Variants in KCNMA1 observed in about 807,000 individuals in gnomAD.
The protein encoded by KCNMA1 is potassium calcium-activated channel subfamily M alpha 1, also known as Calcium-activated potassium channel subunit alpha-1.
Under a neutral mutation model 140.0 loss-of-function variants are expected in KCNMA1, and 29 were observed. The observed-to-expected ratio is 0.21, with a 90% CI of 0.15 to 0.28. KCNMA1 has a LOEUF of 0.28. Ranked by LOEUF, KCNMA1 falls within the 10% of genes least tolerant of loss-of-function variation. The pLI, the probability that KCNMA1 is intolerant of heterozygous loss-of-function variation, is 1.00. For missense variants in KCNMA1, 880 were observed against 1,602.2 expected, an observed-to-expected ratio of 0.55 and a Z score of 7.70; for synonymous variants, 612 against 611.9, an observed-to-expected ratio of 1.00 and a Z score of 0.00.
intron 16 of KCNMA1, 25 bp from the exon 17 acceptor site, chr10:77,019,124 G>A (rs775708507): frequency 8.1e-7 from 1 of 1,227,346 alleles, no homozygotes; most frequent in Non-Finnish European, 1.2e-6. Flanking sequence ...AAAACAAACA[G>A]AGAAGATACA....
chr10:77,037,229 C>T (rs753791697), intron 15 of KCNMA1, among the ~76,000 whole-genome samples: 2 of 152,188 alleles, frequency 1.3e-5, no homozygotes, highest in Admixed American at 6.5e-5. Flanking sequence ...AACCACAGGG[C>T]CAGGCCTGGG....
At chr10:77,092,925 T>A (rs2096848617) in intron 9 of KCNMA1, among the ~76,000 whole-genome samples, 1 of 152,190 alleles carries the variant, frequency 6.6e-6, no homozygotes, top group Non-Finnish European at 1.5e-5. Flanking sequence ...CACCCTTGAA[T>A]CAAAAGCTCA....
intron 1 of KCNMA1, among the ~76,000 whole-genome samples, chr10:77,567,991 G>A (rs1018282817): frequency 6.6e-6 from 1 of 152,130 alleles, no homozygotes; most frequent in African/African-American, 2.4e-5. Context: ...TAGAAGAAAT[G>A]GATAAATTCC....
chr10:77,206,352 T>G (rs939119238), intron 3 of KCNMA1, among the ~76,000 whole-genome samples: 1 of 152,198 alleles, frequency 6.6e-6, no homozygotes, highest in African/African-American at 2.4e-5. Context: ...TTCTATTTAG[T>G]AGATATGTTT....
Position 77,207,647 on chromosome 10 carries a change from G to T in KCNMA1, c.603-22731C>A, listed in dbSNP as rs181382772. Among the ~76,000 whole-genome samples the T allele has an allele frequency of 1.7e-3, 257 of 152,248 alleles. No homozygotes were observed. In the Middle Eastern group the frequency reaches 0.02, roughly 12 times the overall value. ...TCTGGTAGAGATCCACTGAGTGAACGGCTGCTACTGGTGACTAACTGCATG... is the reference window on the plus strand; with the variant it reads ...TCTGGTAGAGATCCACTGAGTGAACTGCTGCTACTGGTGACTAACTGCATG... On this transcript the variant is annotated intron_variant, in intron 3 of 27. Coordinates refer to ENST00000286628, the MANE Select transcript of KCNMA1 (RefSeq NM_001161352.2).
intron 2 of KCNMA1, among the ~76,000 whole-genome samples, chr10:77,383,655 T>C (rs2095504474): frequency 2.6e-5 from 4 of 152,086 alleles, no homozygotes; most frequent in Admixed American, 6.6e-5. Context: ...AATATAAACA[T>C]TATAATAAGG....
chr10:77,319,013 T>C (rs1042084247), intron 2 of KCNMA1, among the ~76,000 whole-genome samples: 21 of 152,208 alleles, frequency 1.4e-4, no homozygotes, highest in African/African-American at 4.8e-4. Context: ...CCTCAAGCAA[T>C]TGAGCACCTA....
At chr10:77,588,683 G>C (rs2078030069) in intron 1 of KCNMA1, among the ~76,000 whole-genome samples, 1 of 152,208 alleles carries the variant, frequency 6.6e-6, no homozygotes, top group African/African-American at 2.4e-5. Context: ...AACGAACTCA[G>C]CAAGATAGAT....
chr10:76,953,665 C>T, intron 21 of KCNMA1, 136 bp downstream of exon 21: 1 of 1,051,992 alleles, frequency 9.5e-7, no homozygotes. Flanking sequence ...TCAATCTATG[C>T]TCAGAATTTC....
chr10:77,274,859 G>A (rs912919211), intron 2 of KCNMA1, among the ~76,000 whole-genome samples: 13 of 152,192 alleles, frequency 8.5e-5, no homozygotes, highest in African/African-American at 3.1e-4. Context: ...CCTCACTGCC[G>A]CAGAAGCCAT....
intron 3 of KCNMA1, among the ~76,000 whole-genome samples, chr10:77,246,589 T>A (rs971299013): frequency 5.3e-5 from 8 of 152,222 alleles, no homozygotes; most frequent in African/African-American, 1.9e-4. Context: ...CCAGTTTTAT[T>A]TTCAGAGACT....
chr10:77,619,034 G>A (rs2090506104), intron 1 of KCNMA1, among the ~76,000 whole-genome samples: 1 of 152,176 alleles, frequency 6.6e-6, no homozygotes, highest in African/African-American at 2.4e-5. Flanking sequence ...GATGTTAAGA[G>A]GAACCTAGAA....
chr10:77,006,354 C>T (rs2153430954), intron 18 of KCNMA1, among the ~76,000 whole-genome samples: 1 of 152,220 alleles, frequency 6.6e-6, no homozygotes, highest in Admixed American at 6.5e-5. Context: ...CTTTTAAAAT[C>T]AGTCAAATGA....
chr10:77,161,183 C>G (rs565919071), intron 5 of KCNMA1, among the ~76,000 whole-genome samples: 1 of 152,168 alleles, frequency 6.6e-6, no homozygotes, highest in Non-Finnish European at 1.5e-5. Context: ...CACTTGTACT[C>G]ATTCATTCAG....
At chr10:77,233,353 C>A (rs539256178) in intron 3 of KCNMA1, among the ~76,000 whole-genome samples, 10 of 152,258 alleles carry the variant, frequency 6.6e-5, no homozygotes, top group African/African-American at 2.2e-4. Context: ...CATATACTTC[C>A]AAGAGGTCCT....
chr10:77,074,057 C>A lies in KCNMA1; in HGVS notation c.1594-805G>T, dbSNP rs146927014. Reference sequence around the variant, plus strand: ...AAAGGTTCTCCAGAGTTGGAAAAATCGGCAAAAGACCAAACTAAAAAGATT... The same window carrying A: ...AAAGGTTCTCCAGAGTTGGAAAAATAGGCAAAAGACCAAACTAAAAAGATT... On this transcript the variant is annotated intron_variant, in intron 13 of 27. Transcript: ENST00000286628. Among the ~76,000 whole-genome samples the A allele has an allele frequency of 1.2e-3, 180 of 152,182 alleles. 1 individual carries two copies. Among genetic ancestry groups the A allele is most frequent in the South Asian group, 8.3e-3 (40 of 4,824 alleles).
intron 1 of KCNMA1, among the ~76,000 whole-genome samples, chr10:77,452,984 G>A (rs943994986): frequency 1.3e-5 from 2 of 152,170 alleles, no homozygotes; most frequent in Non-Finnish European, 2.9e-5. Context: ...GGAAAACAGG[G>A]ATGGGGGTAC....
At chr10:76,944,652 G>T (rs747653641) in intron 23 of KCNMA1, 121 bp downstream of exon 23, 5 of 883,798 alleles carry the variant, frequency 5.7e-6, no homozygotes, top group Admixed American at 1.9e-5. Context: ...CATGGTGACC[G>T]CAGGTTTCAC....
intron 1 of KCNMA1, among the ~76,000 whole-genome samples, chr10:77,618,200 T>G (rs920097576): frequency 6.6e-6 from 1 of 152,166 alleles, no homozygotes; most frequent in Admixed American, 6.5e-5. Context: ...CTGTCTGAAG[T>G]GTGTCTTCAC....
Sources: gnomAD v4.1 joint callset for allele counts (sites outside exome capture counted in the v4.1 genomes callset) on GRCh38, gnomAD v4.1.1 for gene constraint, MANE v1.5 for transcripts, NCBI Gene and HGNC (gene_info 2026-07-23, HGNC 2026-07-21) for gene names.